SLC35F4: variants seen among roughly 807,000 people sequenced by gnomAD.
SLC35F4 encodes the protein solute carrier family 35 member F4.
A neutral mutation model predicts 44.2 loss-of-function variants in SLC35F4; 24 were observed. The observed-to-expected ratio is 0.54, with a 90% CI of 0.39 to 0.76. The LOEUF (loss-of-function observed/expected upper bound fraction) is 0.76. Ranked by LOEUF, SLC35F4 falls within the 30% of genes least tolerant of loss-of-function variation. The pLI, the probability that SLC35F4 is intolerant of heterozygous loss-of-function variation, is 0.00. For synonymous variants in SLC35F4, 238 were observed against 223.6 expected (o/e 1.06, Z -0.57); for missense variants, 562 against 586.1 (o/e 0.96, Z 0.42).
intron 1 of SLC35F4, among the ~76,000 whole-genome samples, chr14:57,842,285 C>T (rs1413675749): frequency 1.3e-5 from 2 of 152,160 alleles, no homozygotes; most frequent in Non-Finnish European, 2.9e-5. Context: ...TTAGTTATTT[C>T]TCCCATGGAA....
At chr14:57,715,117 T>C (rs2075907432) in intron 1 of SLC35F4, among the ~76,000 whole-genome samples, 1 of 152,018 alleles carries the variant, frequency 6.6e-6, no homozygotes. Flanking sequence ...TTCTGAGGGC[T>C]CAGTTAGGGA....
intron 1 of SLC35F4, among the ~76,000 whole-genome samples, chr14:57,684,905 G>C (rs1177525462): frequency 6.6e-6 from 1 of 152,122 alleles, no homozygotes; most frequent in African/African-American, 2.4e-5. Flanking sequence ...TAGCTCCTTA[G>C]TTAGCTGCCT....
intron 1 of SLC35F4, among the ~76,000 whole-genome samples, chr14:57,770,518 T>C (rs1042017933): frequency 2.0e-5 from 3 of 152,084 alleles, no homozygotes; most frequent in Non-Finnish European, 4.4e-5. Flanking sequence ...AAAGCAAGCA[T>C]AAAATCAAGC....
At position 57,628,109 on chromosome 14, in the gene SLC35F4, G is replaced by A. The variant is rs73303865; in HGVS notation, c.104-33985C>T. Among the ~76,000 whole-genome samples the A allele has an allele frequency of 9.1e-3, 1,385 of 151,710 alleles. 24 individuals carry two copies. The highest frequency in any genetic ancestry group is 0.032 in the African/African-American group (1,318 of 41,318). The stretch of plus-strand genomic sequence containing the variant: ...CCTTGTCTACGTACATTTTTGGTAC[G>A]TACATTTCAGGACCTCCTGAAGTCC... On this transcript the variant is annotated intron_variant, in intron 1 of 7. Transcript: ENST00000556826.
At chr14:57,571,072 G>A (rs1039381965) in intron 5 of SLC35F4, among the ~76,000 whole-genome samples, 10 of 152,114 alleles carry the variant, frequency 6.6e-5, no homozygotes, top group Admixed American at 2.0e-4. Flanking sequence ...ATCAGAACAG[G>A]CTTCCAGGAG....
intron 1 of SLC35F4, among the ~76,000 whole-genome samples, chr14:57,957,112 A>G (rs1385812184): frequency 6.6e-6 from 1 of 152,194 alleles, no homozygotes; most frequent in African/African-American, 2.4e-5. Context: ...ATGCCGCCAT[A>G]AAAAGGATGA....
intron 1 of SLC35F4, among the ~76,000 whole-genome samples, chr14:57,955,049 TA>T (rs916175625): frequency 1.4e-5 from 2 of 146,904 alleles, no homozygotes; most frequent in African/African-American, 5.1e-5. Flanking sequence ...CTCAGTAAAA[TA>T]CTGGCAAACC....
At chr14:57,974,175 T>A (rs1881141107), downstream of SLC35F4, among the ~76,000 whole-genome samples, 1 of 152,170 alleles carries the variant, frequency 6.6e-6, no homozygotes, top group Admixed American at 6.5e-5. Context: ...TTCATTCACA[T>A]GGCTGGCACC....
intron 1 of SLC35F4, among the ~76,000 whole-genome samples, chr14:57,745,810 A>C (rs573383123): frequency 2.6e-5 from 4 of 152,208 alleles, no homozygotes; most frequent in Non-Finnish European, 4.4e-5. Context: ...CACTATTCAC[A>C]ATAGCAAAGA....
chr14:57,857,478 T>A (rs948406576), intron 1 of SLC35F4, among the ~76,000 whole-genome samples: 1 of 152,086 alleles, frequency 6.6e-6, no homozygotes, highest in Admixed American at 6.5e-5. Flanking sequence ...ACTACTACCA[T>A]CATGTACTCT....
At chr14:57,925,226 A>G (rs1442932739) in intron 1 of SLC35F4, among the ~76,000 whole-genome samples, 13 of 152,084 alleles carry the variant, frequency 8.5e-5, no homozygotes, top group Non-Finnish European at 2.9e-5. Context: ...TCAACATGAG[A>G]TTTGAAGGGC....
At chr14:57,797,981 A>G (rs958489399) in intron 1 of SLC35F4, among the ~76,000 whole-genome samples, 2 of 151,974 alleles carry the variant, frequency 1.3e-5, no homozygotes, top group African/African-American at 4.8e-5. Context: ...CCATTGCCAG[A>G]GGGAAAATAT....
chr14:57,584,161 A>G (rs555936878), intron 3 of SLC35F4, among the ~76,000 whole-genome samples: 16 of 152,170 alleles, frequency 1.1e-4, no homozygotes, highest in Non-Finnish European at 1.9e-4. Flanking sequence ...ATAATATGGT[A>G]TATATTTTTT....
chr14:57,641,554 A>T (rs1235851896), intron 1 of SLC35F4, among the ~76,000 whole-genome samples: 1 of 152,016 alleles, frequency 6.6e-6, no homozygotes, highest in Non-Finnish European at 1.5e-5. Flanking sequence ...AAGAAAACTC[A>T]AGACTTAAAC....
At chr14:57,805,752 A>G (rs140452661) in intron 1 of SLC35F4, among the ~76,000 whole-genome samples, 1 of 152,344 alleles carries the variant, frequency 6.6e-6, no homozygotes, top group Non-Finnish European at 1.5e-5. Flanking sequence ...AAACCTGCAC[A>G]TCCTTCACAT....
intron 1 of SLC35F4, among the ~76,000 whole-genome samples, chr14:57,677,144 G>A (rs1488382255): frequency 6.6e-6 from 1 of 152,020 alleles, no homozygotes; most frequent in East Asian, 1.9e-4. Context: ...TATTCTAAGT[G>A]AAGTAGCTCA....
intron 1 of SLC35F4, among the ~76,000 whole-genome samples, chr14:57,737,674 T>C (rs1358425985): frequency 2.6e-5 from 4 of 152,352 alleles, no homozygotes; most frequent in African/African-American, 7.2e-5. Context: ...AATTCGCCTG[T>C]AGTATCATAG....
intron 1 of SLC35F4, among the ~76,000 whole-genome samples, chr14:57,951,077 AT>A: frequency 6.6e-6 from 1 of 152,254 alleles, no homozygotes; most frequent in Middle Eastern, 3.4e-3. Context: ...AAGGAGGGTG[AT>A]TTCTGCATTT....
chr14:57,716,588 A>T (rs1005683341), intron 1 of SLC35F4, among the ~76,000 whole-genome samples: 1 of 152,116 alleles, frequency 6.6e-6, no homozygotes, highest in East Asian at 1.9e-4. Context: ...TCCCATATAT[A>T]TCTTTTCTAA....
Sources: allele counts gnomAD v4.1 joint callset (sites outside exome capture counted in the v4.1 genomes callset), GRCh38; gene constraint gnomAD v4.1.1; transcripts MANE v1.5; gene names NCBI Gene and HGNC (gene_info 2026-07-23, HGNC 2026-07-21).